Variants in BANK1 observed in about 807,000 individuals in gnomAD.
BANK1 encodes B cell scaffold protein with ankyrin repeats 1, also known as B-cell scaffold protein with ankyrin repeats.
BANK1 carries 95 observed loss-of-function variants against 94.5 expected under a neutral mutation model. The observed-to-expected ratio is 1.00, with a 90% CI of 0.85 to 1.19. The LOEUF is 1.19. Ranked by LOEUF, BANK1 falls within the 50% of genes most tolerant of loss-of-function variation. The pLI is 0.00. For synonymous variants in BANK1, 334 were observed against 308.4 expected (o/e 1.08, Z -0.87); for missense variants, 987 against 932.2 (o/e 1.06, Z -0.77).
intron 7 of BANK1, among the ~76,000 whole-genome samples, chr4:101,969,503 A>G (rs1187585512): frequency 6.6e-6 from 1 of 152,148 alleles, no homozygotes; most frequent in African/African-American, 2.4e-5. Context: ...AATTTTGGTT[A>G]GTTATTAAAA....
intron 6 of BANK1, among the ~76,000 whole-genome samples, chr4:101,908,634 AG>A (rs1378773457): frequency 6.6e-5 from 10 of 152,228 alleles, no homozygotes; most frequent in Admixed American, 5.9e-4. Context: ...ACAGAATGGG[AG>A]AAAATTTTTG....
chr4:101,903,094 C>A (rs1452447275), intron 6 of BANK1, among the ~76,000 whole-genome samples: 1 of 152,142 alleles, frequency 6.6e-6, no homozygotes, highest in Non-Finnish European at 1.5e-5. Flanking sequence ...AAGTATAGGG[C>A]GTCTGGAAAA....
intron 5 of BANK1, among the ~76,000 whole-genome samples, chr4:101,873,860 A>T (rs1728391735): frequency 6.6e-6 from 1 of 152,192 alleles, no homozygotes; most frequent in Admixed American, 6.5e-5. Flanking sequence ...AACTAAGGTA[A>T]TTAAAATCTT....
At chr4:102,009,497 A>T (rs1726412976) in intron 7 of BANK1, among the ~76,000 whole-genome samples, 1 of 152,228 alleles carries the variant, frequency 6.6e-6, no homozygotes, top group Non-Finnish European at 1.5e-5. Flanking sequence ...ACATTCTTGC[A>T]AAATGTTGTC....
At chr4:101,951,284 A>C (rs931921873) in intron 7 of BANK1, among the ~76,000 whole-genome samples, 17 of 152,134 alleles carry the variant, frequency 1.1e-4, no homozygotes, top group African/African-American at 3.9e-4. Context: ...TAAAAACCTA[A>C]TCTAACTTAC....
intron 7 of BANK1, among the ~76,000 whole-genome samples, chr4:102,007,150 A>AT (rs1726330493): frequency 4.4e-5 from 1 of 22,540 alleles, no homozygotes; most frequent in Non-Finnish European, 1.0e-4. Flanking sequence ...TATATTTTAT[A>AT]TATATATATA....
intron 2 of BANK1, among the ~76,000 whole-genome samples, chr4:101,832,879 TC>T (rs1367994103): frequency 6.6e-6 from 1 of 151,948 alleles, no homozygotes; most frequent in East Asian, 1.9e-4. Context: ...TTCTTTGCTT[TC>T]TTTTTCCCTC....
rs566998763 is a variant in BANK1, at chr4:102,010,526, G to A, written c.1207-10988G>A. On this transcript the variant is annotated intron_variant, in intron 7 of 16. Coordinates refer to ENST00000322953, the MANE Select transcript of BANK1 (RefSeq NM_017935.5). ...TCCTGCCTCAGCCTCCCAAGTAGCT[G>A]AGATTACAAGCAGCCACCACCACGC... Among the ~76,000 whole-genome samples, 5 of 151,196 alleles carry A rather than the reference G, an allele frequency of 3.3e-5. No individual in the cohort carries two copies. The East Asian group carries it at 1.0e-3, about 30-fold the overall frequency.
At chr4:102,021,829 G>A (rs1460164525) in intron 8 of BANK1, among the ~76,000 whole-genome samples, 4 of 151,830 alleles carry the variant, frequency 2.6e-5, no homozygotes, top group African/African-American at 9.7e-5. Flanking sequence ...TACCCAGAGG[G>A]AATACACAAA....
chr4:101,873,589 C>G (rs1224671565), intron 5 of BANK1, among the ~76,000 whole-genome samples: 1 of 152,100 alleles, frequency 6.6e-6, no homozygotes, highest in Non-Finnish European at 1.5e-5. Flanking sequence ...ATCTGGCTTT[C>G]TAATTTAATT....
At chr4:101,841,061 C>T (rs35190155) in intron 2 of BANK1, among the ~76,000 whole-genome samples, 10,726 of 152,180 alleles carry the variant, frequency 0.07, 617 homozygotes, top group Admixed American at 0.19. Context: ...TCCTGGCCTA[C>T]GTGATCCACC....
chr4:102,060,462 C>T, intron 12 of BANK1, 73 bp downstream of exon 12: 3 of 1,477,266 alleles, frequency 2.0e-6, no homozygotes, highest in South Asian at 1.3e-5. Flanking sequence ...GTTTAATTTT[C>T]ATGAGGAATA....
At chr4:101,850,915 T>C (rs1727450757) in intron 2 of BANK1, among the ~76,000 whole-genome samples, 1 of 152,070 alleles carries the variant, frequency 6.6e-6, no homozygotes. Context: ...CCCCCATCTC[T>C]CTCCCTCTGC....
At chr4:102,018,318 A>G (rs927036521) in intron 7 of BANK1, among the ~76,000 whole-genome samples, 6 of 152,218 alleles carry the variant, frequency 3.9e-5, no homozygotes, top group African/African-American at 1.2e-4. Context: ...TTCTCATCCC[A>G]TGGGCTTCAA....
chr4:101,797,111 A>C (rs1456352022), intron 1 of BANK1, among the ~76,000 whole-genome samples: 1 of 152,160 alleles, frequency 6.6e-6, no homozygotes, highest in Non-Finnish European at 1.5e-5. Context: ...ATCTCCATTA[A>C]GTTATACATA....
At chr4:101,863,441 C>A (rs1419498686) in intron 4 of BANK1, among the ~76,000 whole-genome samples, 1 of 151,940 alleles carries the variant, frequency 6.6e-6, no homozygotes, top group African/African-American at 2.4e-5. Context: ...AAAAGATGCT[C>A]AATCTTGTTA....
At chr4:102,071,986 C>T (rs944500985) in intron 14 of BANK1, among the ~76,000 whole-genome samples, 2 of 152,054 alleles carry the variant, frequency 1.3e-5, no homozygotes, top group African/African-American at 2.4e-5. Flanking sequence ...GAGTAGAAGG[C>T]GCAGGTTTTT....
intron 4 of BANK1, 104 bp from the exon 5 acceptor site, chr4:101,870,401 A>G: frequency 1.9e-6 from 2 of 1,057,562 alleles, no homozygotes; most frequent in Non-Finnish European, 2.6e-6. Flanking sequence ...GATGAGTAAA[A>G]GTGTTATGAA....
At chr4:101,828,078 G>C (rs1196960931) in intron 1 of BANK1, among the ~76,000 whole-genome samples, 1 of 151,504 alleles carries the variant, frequency 6.6e-6, no homozygotes, top group Non-Finnish European at 1.5e-5. Flanking sequence ...GTTCCAAATA[G>C]TCTATAATTA....
Sources: allele counts gnomAD v4.1 joint callset (sites outside exome capture counted in the v4.1 genomes callset), GRCh38; gene constraint gnomAD v4.1.1; transcripts MANE v1.5; gene names NCBI Gene and HGNC (gene_info 2026-07-23, HGNC 2026-07-21).